The following DIAPH3 variants were observed in gnomAD, a reference collection of about 807,000 sequenced individuals.
The protein encoded by DIAPH3 is protein diaphanous homolog 3.
A neutral mutation model predicts 144.3 loss-of-function variants in DIAPH3; 117 were observed. The observed-to-expected ratio is 0.81, with a 90% CI of 0.70 to 0.95. DIAPH3 has a LOEUF of 0.95. Ranked by LOEUF, DIAPH3 falls within the 40% of genes least tolerant of loss-of-function variation. The pLI is 0.00. For missense variants in DIAPH3, 1,421 were observed against 1,412.7 expected (o/e 1.01, Z -0.09); for synonymous variants, 519 against 488.9 (o/e 1.06, Z -0.81).
At chr13:59,737,013 A>C (rs982590419) in intron 27 of DIAPH3, among the ~76,000 whole-genome samples, 1 of 152,200 alleles carries the variant, frequency 6.6e-6, no homozygotes, top group African/African-American at 2.4e-5. Flanking sequence ...GAGATGGACT[A>C]AGGAGTTAAA....
chr13:60,037,373 T>A (rs891851539), intron 5 of DIAPH3, among the ~76,000 whole-genome samples: 1 of 151,932 alleles, frequency 6.6e-6, no homozygotes, highest in African/African-American at 2.4e-5. Context: ...ATCTAACTTA[T>A]TAAAAGAAAA....
At chr13:59,845,776 T>C (rs973694529) in intron 22 of DIAPH3, among the ~76,000 whole-genome samples, 1 of 152,180 alleles carries the variant, frequency 6.6e-6, no homozygotes, top group Non-Finnish European at 1.5e-5. Context: ...AACTAGTAAT[T>C]ATCTCTATCT....
chr13:59,809,165 C>T (rs1370711962), intron 25 of DIAPH3, among the ~76,000 whole-genome samples: 1 of 152,154 alleles, frequency 6.6e-6, no homozygotes, highest in Admixed American at 6.5e-5. Flanking sequence ...ATCCAATCTG[C>T]CATCTAGCAA....
At chr13:59,899,830 AAAG>A (rs2046333446) in intron 20 of DIAPH3, among the ~76,000 whole-genome samples, 1 of 152,350 alleles carries the variant, frequency 6.6e-6, no homozygotes, top group South Asian at 2.1e-4. Context: ...CATCAATTAA[AAAG>A]AAGAGAGATC....
chr13:60,063,432 T>C (rs1406627839), intron 4 of DIAPH3, among the ~76,000 whole-genome samples: 2 of 152,172 alleles, frequency 1.3e-5, no homozygotes, highest in Admixed American at 1.3e-4. Context: ...TGTTCATAGA[T>C]AGACCTCCCC....
chr13:59,780,172 A>G (rs1171606287), intron 25 of DIAPH3, among the ~76,000 whole-genome samples: 2 of 152,058 alleles, frequency 1.3e-5, no homozygotes, highest in East Asian at 3.9e-4. Flanking sequence ...TAGGCCCCAA[A>G]GGTAAACACA....
chr13:59,778,195 A>G (rs1294273405), intron 25 of DIAPH3, among the ~76,000 whole-genome samples: 1 of 152,198 alleles, frequency 6.6e-6, no homozygotes, highest in Non-Finnish European at 1.5e-5. Context: ...CCTTCCTTCA[A>G]AACGGAGAAC....
At chr13:59,845,599 T>C (rs901034490) in intron 22 of DIAPH3, among the ~76,000 whole-genome samples, 4 of 152,208 alleles carry the variant, frequency 2.6e-5, no homozygotes, top group African/African-American at 9.6e-5. Context: ...ATACTGCTTA[T>C]AGTTCCCCTG....
chr13:59,998,484 T>C (rs2052339793), intron 9 of DIAPH3, among the ~76,000 whole-genome samples: 1 of 152,148 alleles, frequency 6.6e-6, no homozygotes. Context: ...AATTGATCGG[T>C]TAATTATGAA....
At position 59,784,317 on chromosome 13, in the gene DIAPH3, G is replaced by A. The variant is rs541708436; in HGVS notation, c.3164-9494C>T. Among the ~76,000 whole-genome samples the A allele has an allele frequency of 5.3e-5, 8 of 151,818 alleles. No individual in the cohort carries two copies. In the South Asian group the frequency reaches 1.2e-3, roughly 24 times the overall value. ...AGGATGGTCTCAATCTCCTGACCTC[G>A]TGATCCACCCGCTTTGGCCTCCCAA... On this transcript the variant is annotated intron_variant, in intron 25 of 27. Coordinates refer to ENST00000400324, the MANE Select transcript of DIAPH3 (RefSeq NM_001042517.2).
chr13:59,701,526 A>G (rs191167853), intron 27 of DIAPH3, among the ~76,000 whole-genome samples: 82 of 152,336 alleles, frequency 5.4e-4, no homozygotes, highest in Admixed American at 2.2e-3. Context: ...AGCACGTCAT[A>G]TAGGTCAGAG....
chr13:59,695,694 C>T (rs1268769966), intron 27 of DIAPH3, among the ~76,000 whole-genome samples: 6 of 152,126 alleles, frequency 3.9e-5, no homozygotes, highest in Admixed American at 3.9e-4. Context: ...CTGAAATGTA[C>T]ACTTTACCCT....
chr13:59,861,590 T>G, intron 21 of DIAPH3, 54 bp from the exon 22 acceptor site: 3 of 1,542,144 alleles, frequency 1.9e-6, no homozygotes, highest in Non-Finnish European at 2.7e-6. Context: ...GTTGATATTC[T>G]GTCTACTTAA....
chr13:59,745,973 A>G (rs1341141009), intron 27 of DIAPH3, among the ~76,000 whole-genome samples: 2 of 152,124 alleles, frequency 1.3e-5, no homozygotes, highest in Non-Finnish European at 2.9e-5. Context: ...TTCATACACT[A>G]ATTTTCTTTT....
intron 2 of DIAPH3, among the ~76,000 whole-genome samples, chr13:60,127,711 T>C (rs2059024285): frequency 6.6e-6 from 1 of 152,172 alleles, no homozygotes; most frequent in Non-Finnish European, 1.5e-5. Context: ...GATAAGTGTT[T>C]GTCAAAAGCC....
At chr13:59,731,739 T>TA (rs1244313056) in intron 27 of DIAPH3, among the ~76,000 whole-genome samples, 1 of 152,154 alleles carries the variant, frequency 6.6e-6, no homozygotes, top group Non-Finnish European at 1.5e-5. Context: ...ATATAGTTAT[T>TA]AAAAAATGAA....
At chr13:59,673,372 A>C (rs1272563616) in intron 27 of DIAPH3, among the ~76,000 whole-genome samples, 1 of 152,188 alleles carries the variant, frequency 6.6e-6, no homozygotes, top group East Asian at 1.9e-4. Flanking sequence ...GCATTTACTC[A>C]TGCCTCTTTT....
chr13:59,899,003 C>T (rs1210640424), intron 20 of DIAPH3, among the ~76,000 whole-genome samples: 2 of 152,166 alleles, frequency 1.3e-5, no homozygotes, highest in Non-Finnish European at 2.9e-5. Flanking sequence ...TGACTTAAGT[C>T]TCCTGGCCTC....
chr13:59,943,559 A>T (rs994281323), intron 17 of DIAPH3, among the ~76,000 whole-genome samples: 1 of 152,260 alleles, frequency 6.6e-6, no homozygotes, highest in East Asian at 1.9e-4. Flanking sequence ...CTCCCTCCCA[A>T]ATCACTGAGT....
Sources: gnomAD v4.1 joint callset for allele counts (sites outside exome capture counted in the v4.1 genomes callset) on GRCh38, gnomAD v4.1.1 for gene constraint, MANE v1.5 for transcripts, NCBI Gene and HGNC (gene_info 2026-07-23, HGNC 2026-07-21) for gene names.